TRMT44: variants seen among roughly 807,000 people sequenced by gnomAD.
The protein encoded by TRMT44 is tRNA methyltransferase 44 homolog, also known as probable tRNA (uracil-O(2)-)-methyltransferase.
Under a neutral mutation model 77.3 loss-of-function variants are expected in TRMT44, and 78 were observed. The observed-to-expected ratio is 1.01, with a 90% CI of 0.84 to 1.22. The LOEUF is 1.22. Ranked by LOEUF, TRMT44 falls within the 50% of genes most tolerant of loss-of-function variation. The probability of loss-of-function intolerance (pLI) is 0.00; values close to 1 mark genes in which losing one functional copy is unlikely to be tolerated. For missense variants in TRMT44, 1,090 were observed against 964.4 expected, an observed-to-expected ratio of 1.13 and a Z score of -1.73; for synonymous variants, 391 against 383.3, an observed-to-expected ratio of 1.02 and a Z score of -0.23.
chr4:8,485,615 T>G (rs1727778060), intron 2 of TRMT44, among the ~76,000 whole-genome samples: 2 of 151,698 alleles, frequency 1.3e-5, no homozygotes, highest in African/African-American at 2.4e-5. Flanking sequence ...TGTCCCATAC[T>G]TGTGGGTTAA....
chr4:8,502,271 C>T, the TRMT44 span, among the ~76,000 whole-genome samples: 1 of 152,236 alleles, frequency 6.6e-6, no homozygotes, highest in Non-Finnish European at 1.5e-5. Context: ...ATGAAATAGA[C>T]ACCCTGCCCT....
Position 8,454,829 on chromosome 4 carries a change from C to T in TRMT44, c.1203+16C>T, listed in dbSNP as rs760423283. 1.6e-5 allele frequency: 26 copies of T among 1,613,042 alleles called. No individual in the cohort carries two copies. The highest frequency in any genetic ancestry group is 2.2e-5 in the East Asian group (1 of 44,900). On this transcript the variant is annotated intron_variant, in intron 6 of 10. Coordinates refer to ENST00000389737, the MANE Select transcript of TRMT44 (RefSeq NM_152544.3). ...TCAGTTAGAGGTACCGTCTTTATTA[C>T]GCATGCCCTTGATCTCAGCATGGCT...
At chr4:8,492,632 G>T (rs1728042109) in intron 2 of TRMT44, among the ~76,000 whole-genome samples, 1 of 152,136 alleles carries the variant, frequency 6.6e-6, no homozygotes, top group Admixed American at 6.6e-5. Flanking sequence ...TCCTAAAAAA[G>T]ATAGCTACTA....
intron 2 of TRMT44, among the ~76,000 whole-genome samples, chr4:8,488,792 T>A (rs1461786540): frequency 6.6e-6 from 1 of 152,166 alleles, no homozygotes; most frequent in Admixed American, 6.5e-5. Context: ...GGCAGACTCT[T>A]CAGCTGAAGC....
the TRMT44 span, among the ~76,000 whole-genome samples, chr4:8,504,770 T>A: frequency 6.6e-6 from 1 of 152,156 alleles, no homozygotes; most frequent in African/African-American, 2.4e-5. This position sits in a 1 kb window ranked among gnomAD's most constrained non-coding sequence, Gnocchi z 5.3. Context: ...TGGCTGCACC[T>A]GCAAACTGCA....
intron 8 of TRMT44, among the ~76,000 whole-genome samples, chr4:8,466,578 C>T (rs77254399): frequency 0.056 from 8,602 of 152,330 alleles, 421 homozygotes; most frequent in African/African-American, 0.13. Flanking sequence ...GCTGCTGAAC[C>T]GTCCCGTCAT....
In TRMT44 at chr4:8,452,166, G is replaced by GTAA; in HGVS notation, c.1023+140_1023+142dup. ...CTGCTGGCCAAGGTTGGTTTCTCGT[G>GTAA]TAATGGTTTGACTTCATGTGGTCCT... On this transcript the variant is annotated intron_variant, in intron 4 of 10. Coordinates refer to ENST00000389737, the MANE Select transcript of TRMT44 (RefSeq NM_152544.3). The surrounding 1 kb of genome is among the most constrained non-coding windows in gnomAD (Gnocchi z 5.7). The GTAA allele has an allele frequency of 1.3e-6, 1 of 756,082 alleles. No homozygotes were observed. The highest frequency in any genetic ancestry group is 2.2e-6 in the Non-Finnish European group (1 of 454,934). 46.8% of individuals were successfully genotyped at this position (756,082 alleles called of 1,614,324 possible). A position where few individuals can be genotyped will look rare whatever the true frequency, so the allele number is the denominator to read the frequency against.
At chr4:8,484,066 A>G (rs2109219798) in intron 2 of TRMT44, among the ~76,000 whole-genome samples, 1 of 152,346 alleles carries the variant, frequency 6.6e-6, no homozygotes, top group Non-Finnish European at 1.5e-5. Flanking sequence ...AAAGGAAATG[A>G]CAGGTTCTAA....
At chr4:8,504,139 CAG>C in the TRMT44 span, among the ~76,000 whole-genome samples, 1 of 152,168 alleles carries the variant, frequency 6.6e-6, no homozygotes, top group East Asian at 1.9e-4. The surrounding 1 kb of genome is among the most constrained non-coding windows in gnomAD (Gnocchi z 5.3). Context: ...GGGGCTGCAT[CAG>C]GGGTCTGCAC....
downstream of TRMT44, chr4:8,479,329 C>T (rs540482322): frequency 6.6e-6 from 1 of 151,980 alleles, no homozygotes; most frequent in South Asian, 2.1e-4. Context: ...AGTCATGTGT[C>T]AATTAACAGT....
the TRMT44 span, among the ~76,000 whole-genome samples, chr4:8,506,200 G>A: frequency 2.0e-5 from 3 of 152,230 alleles, no homozygotes; most frequent in Admixed American, 6.5e-5. Context: ...CTGGTGCTCA[G>A]TGCAATGTCT....
At position 8,489,618 on chromosome 4, in the gene TRMT44, A is replaced by C. The variant is rs562664651; in HGVS notation, n.3892-3648A>C. On this transcript the variant is annotated intron_variant and non_coding_transcript_variant, in intron 2 of 2. Coordinates refer to the TRMT44 transcript ENST00000511366. ...CAGCCTCCCGAGTGGCTGGGATTACAGGTGTTAGCCACCACGCCTGGCTAA... is the reference window on the plus strand; with the variant it reads ...CAGCCTCCCGAGTGGCTGGGATTACCGGTGTTAGCCACCACGCCTGGCTAA... Among the ~76,000 whole-genome samples the C allele has an allele frequency of 5.0e-3, 764 of 152,228 alleles. 5 individuals are homozygous for C. The highest frequency in any genetic ancestry group is 0.018 in the African/African-American group (732 of 41,546).
chr4:8,487,079 G>A (rs888529874), intron 2 of TRMT44, among the ~76,000 whole-genome samples: 1 of 152,186 alleles, frequency 6.6e-6, no homozygotes, highest in Non-Finnish European at 1.5e-5. Flanking sequence ...ATGCCTGGAC[G>A]TCAGGCACAT....
chr4:8,485,287 T>C (rs1461974417), intron 2 of TRMT44, among the ~76,000 whole-genome samples: 3 of 151,982 alleles, frequency 2.0e-5, no homozygotes, highest in African/African-American at 7.3e-5. Flanking sequence ...TAGTGAGTTG[T>C]GGAGGGAGGT....
At chr4:8,476,563 C>T (rs1021081253), downstream of TRMT44, 1 of 154,080 alleles carries the variant, frequency 6.5e-6, no homozygotes, top group African/African-American at 2.4e-5. Flanking sequence ...TGACATGGGC[C>T]ACTCTAAGTG....
the TRMT44 span, among the ~76,000 whole-genome samples, chr4:8,513,657 G>A: frequency 2.0e-4 from 30 of 152,302 alleles, no homozygotes; most frequent in African/African-American, 3.4e-4. Context: ...TTGGAACCTA[G>A]AATATATCAA....
chr4:8,484,559 T>C (rs539020464), intron 2 of TRMT44, among the ~76,000 whole-genome samples: 1 of 152,272 alleles, frequency 6.6e-6, no homozygotes, highest in South Asian at 2.1e-4. Context: ...GGCTACACGA[T>C]GCGATCCCGG....
At chr4:8,445,749 C>A (rs191264524) in intron 1 of TRMT44, among the ~76,000 whole-genome samples, 1 of 152,362 alleles carries the variant, frequency 6.6e-6, no homozygotes, top group Non-Finnish European at 1.5e-5. Context: ...TTCCTTTTGG[C>A]AGGTCTTGTT....
chr4:8,459,367 A>G (rs954888112), intron 6 of TRMT44, among the ~76,000 whole-genome samples: 14 of 152,220 alleles, frequency 9.2e-5, no homozygotes, highest in African/African-American at 3.4e-4. Context: ...GTAACTTACC[A>G]TAATCCGCAC....
Sources: allele counts gnomAD v4.1 joint callset (sites outside exome capture counted in the v4.1 genomes callset), GRCh38; gene constraint gnomAD v4.1.1; non-coding constraint Gnocchi (gnomAD v3.1); transcripts MANE v1.5; gene names NCBI Gene and HGNC (gene_info 2026-07-23, HGNC 2026-07-21).